DISP2: variants seen among roughly 807,000 people sequenced by gnomAD.
DISP2 encodes the protein dispatched RND transporter family member 2.
In DISP2, 59 loss-of-function variants were observed where a neutral mutation model predicts 95.5. The ratio of observed to expected loss-of-function variants is 0.62; its 90% CI spans 0.50 to 0.77. The LOEUF (loss-of-function observed/expected upper bound fraction) is 0.77. DISP2 is among the 30% of genes least tolerant of loss of function. The pLI is 0.00. For missense variants in DISP2, 1,752 were observed against 1,854.6 expected (o/e 0.94, Z 1.02); for synonymous variants, 827 against 815.0 (o/e 1.01, Z -0.25).
chr15:40,360,079 G>T (rs1889383850), intron 1 of DISP2, among the ~76,000 whole-genome samples: 1 of 152,192 alleles, frequency 6.6e-6, no homozygotes. Flanking sequence ...TGGTCTCTGT[G>T]TCTAGGAGCC....
chr15:40,365,805 G>C (rs564406780), intron 7 of DISP2, 80 bp downstream of exon 7: 1 of 1,368,022 alleles, frequency 7.3e-7, no homozygotes, highest in South Asian at 1.2e-5. Flanking sequence ...ATACAGCTGA[G>C]CCAGGACTGC....
At chr15:40,360,421 C>T (rs1205784965) in intron 1 of DISP2, among the ~76,000 whole-genome samples, 2 of 152,126 alleles carry the variant, frequency 1.3e-5, no homozygotes, top group Non-Finnish European at 2.9e-5. Flanking sequence ...GGCTCTACAG[C>T]AGTCAGAATA....
rs781092384 is a variant in DISP2, at chr15:40,364,945, G to A, written c.711G>A (p.Glu237=). ...RKLLFLSPDL[E]LNSSSSHNTL... ...TGCTTTTCCTTTCCCCAGACCTTGA[G>A]CTGAACAGGTAACAGGCTCTCATCT... is the stretch of plus-strand genomic sequence containing the variant. Residue 237 remains glutamate, a synonymous_variant, in exon 5 of 8, where the codon GAG becomes GAA. Coordinates refer to ENST00000267889, the MANE Select transcript of DISP2 (RefSeq NM_033510.3). 6.2e-7 allele frequency: 1 copy of A among 1,613,968 alleles called. No homozygotes were observed. The highest frequency in any genetic ancestry group is 2.2e-5 in the East Asian group (1 of 44,890).
chr15:40,376,422 C>G lies in DISP2; in HGVS notation c.*6104C>G, dbSNP rs1889732129. On this transcript the variant is annotated 3_prime_UTR_variant, in exon 8 of 8. Coordinates refer to ENST00000267889, the MANE Select transcript of DISP2 (RefSeq NM_033510.3). Reference sequence around the variant, plus strand: ...ATCATCTGAGGTCAGGAGTTCAACACCAGCCTGGCCAACATGGCAAAACCC... The same window carrying G: ...ATCATCTGAGGTCAGGAGTTCAACAGCAGCCTGGCCAACATGGCAAAACCC... The G allele has an allele frequency of 6.6e-6, 1 of 152,188 alleles. No individual in the cohort carries two copies. The highest frequency in any genetic ancestry group is 2.1e-4 in the South Asian group (1 of 4,830). The allele number at this position is 152,188 out of a possible 1,614,324, so 9.4% of individuals were successfully genotyped here. A position where few individuals can be genotyped will look rare whatever the true frequency, so the allele number is the denominator to read the frequency against.
Position 40,368,248 on chromosome 15 carries a change from A to G in DISP2, c.2136A>G (p.Ala712=), listed in dbSNP as rs1011980625. Residue 712 remains alanine, a synonymous_variant, in exon 8 of 8, where the codon GCA becomes GCG. Coordinates refer to ENST00000267889, the MANE Select transcript of DISP2 (RefSeq NM_033510.3). ...ACATCTGGATCTGCTGGTTCGCAGC[A>G]CTGGCGGCAGGGGGCGCCTACATCG... is the stretch of plus-strand genomic sequence containing the variant. ...FRYIWICWFA[A]LAAGGAYIAG... The G allele has an allele frequency of 1.9e-6, 3 of 1,610,440 alleles. No individual in the cohort carries two copies. The highest frequency in any genetic ancestry group is 2.7e-5 in the African/African-American group (2 of 74,984).
intron 7 of DISP2, among the ~76,000 whole-genome samples, chr15:40,366,120 A>T (rs185945842): frequency 6.6e-6 from 1 of 152,344 alleles, no homozygotes; most frequent in Admixed American, 6.5e-5. Flanking sequence ...ATAACATCTG[A>T]AGAAAGGTTT....
rs992515017 is a variant in DISP2, at chr15:40,370,612, G to C, written c.*294G>C. The C allele has an allele frequency of 1.6e-6, 1 of 616,102 alleles. No individual in the cohort carries two copies. The highest frequency in any genetic ancestry group is 2.1e-5 in the Admixed American group (1 of 47,036). 38.2% of individuals were successfully genotyped at this position (616,102 alleles called of 1,614,324 possible). On this transcript the variant is annotated 3_prime_UTR_variant, in exon 8 of 8. Transcript: ENST00000267889. ...GACCCCTCCTCTAGAAGTGGGGAAG[G>C]CCAGATGTGTAGCTTCGGGTATCAG...
Position 40,368,034 on chromosome 15 carries a change from C to T in DISP2, c.1922C>T (p.Ala641Val), listed in dbSNP as rs1889539217. The T allele has an allele frequency of 2.0e-6, 3 of 1,530,952 alleles. No individual in the cohort carries two copies. Among genetic ancestry groups the T allele is most frequent in the African/African-American group, 1.4e-5 (1 of 72,824 alleles). The allele number at this position is 1,530,952 out of a possible 1,614,324, so 94.8% of individuals were successfully genotyped here. Residue 641 changes from alanine to valine, a missense_variant, in exon 8 of 8, where the codon GCC (alanine) becomes GTC (valine). Physicochemically the swap from Ala to Val is moderately conservative, Grantham distance 64. Coordinates refer to ENST00000267889, the MANE Select transcript of DISP2 (RefSeq NM_033510.3). ...ACGCTGGTCTGGCTGCCCGCCTCCG[C>T]CGTGCTCCACGAGCGCTACCTGGCG... Reference protein sequence around the residue: ...ALTLVWLPASAVLHERYLARG... With the variant: ...ALTLVWLPASVVLHERYLARG...
intron 1 of DISP2, among the ~76,000 whole-genome samples, chr15:40,362,582 A>G (rs1341227805): frequency 6.6e-6 from 1 of 152,252 alleles, no homozygotes; most frequent in Non-Finnish European, 1.5e-5. Flanking sequence ...GATAGGCAAT[A>G]AACATAACGA....
intron 7 of DISP2, among the ~76,000 whole-genome samples, chr15:40,366,346 C>T (rs751889700): frequency 2.0e-5 from 3 of 152,222 alleles, no homozygotes; most frequent in African/African-American, 4.8e-5. Context: ...GGATGATAAA[C>T]GTACTTTCCT....
Position 40,370,102 on chromosome 15 carries a change from A to C in DISP2, c.3990A>C (p.Arg1330=), listed in dbSNP as rs777712479. 1.2e-6 allele frequency: 2 copies of C among 1,610,634 alleles called. No individual in the cohort carries two copies. Among genetic ancestry groups the C allele is most frequent in the Non-Finnish European group, 8.5e-7 (1 of 1,178,186 alleles). ...LDDTGQPVLE[R]GQLNGKRDTL... is the part of the protein sequence containing the mutation. The stretch of plus-strand genomic sequence containing the variant: ...ACACTGGGCAGCCAGTCCTTGAGCG[A>C]GGCCAGCTCAATGGGAAGCGGGACA... Residue 1330 remains arginine (R), a synonymous_variant, in exon 8 of 8, where the codon CGA becomes CGC. Transcript: ENST00000267889.
Position 40,370,101 on chromosome 15 carries a change from G to A in DISP2, c.3989G>A (p.Arg1330Gln), listed in dbSNP as rs756030312. 4.0e-5 allele frequency: 65 copies of A among 1,610,862 alleles called. No homozygotes were observed. In the South Asian group the frequency reaches 4.4e-4, roughly 11 times the overall value. Residue 1330 changes from arginine (R) to glutamine (Q), a missense_variant, in exon 8 of 8, where the codon CGA (arginine) becomes CAA (glutamine). Physicochemically the swap from Arg to Gln is conservative, Grantham distance 43. This residue lies in a region of DISP2 where 347 missense variants were observed against 344.2 expected (regional missense o/e 1.01). Transcript: ENST00000267889. ...GACACTGGGCAGCCAGTCCTTGAGC[G>A]AGGCCAGCTCAATGGGAAGCGGGAC... The part of the protein sequence containing the change: ...LDDTGQPVLE[R>Q]GQLNGKRDTL...
Position 40,368,862 on chromosome 15 carries a change from A to G in DISP2, c.2750A>G (p.Tyr917Cys), listed in dbSNP as rs1274528542. The G allele has an allele frequency of 1.2e-6, 2 of 1,613,984 alleles. No individual in the cohort carries two copies. The highest frequency in any genetic ancestry group is 1.7e-6 in the Non-Finnish European group (2 of 1,180,036). ...FQTNFRNSPDYNQTQLFYNEV... is the reference protein window; with the variant it reads ...FQTNFRNSPDCNQTQLFYNEV... ...ACCAACTTCCGGAACAGTCCGGACTACAACCAGACCCAGCTCTTCTACAAT... is the reference window on the plus strand; with the variant it reads ...ACCAACTTCCGGAACAGTCCGGACTGCAACCAGACCCAGCTCTTCTACAAT... The change falls in exon 8 of 8, where the codon TAC (tyrosine) becomes TGC (cysteine). Residue 917 changes from tyrosine to cysteine, a missense_variant. By Grantham distance (194) the Tyr-to-Cys change is radical. Coordinates refer to ENST00000267889, the MANE Select transcript of DISP2 (RefSeq NM_033510.3).
chr15:40,365,344 C>G (rs2141261011), intron 6 of DISP2, 70 bp downstream of exon 6: 2 of 1,574,180 alleles, frequency 1.3e-6, no homozygotes, highest in East Asian at 4.5e-5. Context: ...ACAGGCAGGC[C>G]CAGAACAAAT....
In DISP2 at chr15:40,369,037, C is replaced by G. The variant is rs1566917215; in HGVS notation, c.2925C>G (p.Ala975=). The change falls in exon 8 of 8, where the codon GCC becomes GCG. Residue 975 remains alanine, a synonymous_variant. Coordinates refer to ENST00000267889, the MANE Select transcript of DISP2 (RefSeq NM_033510.3). ...TGCTGGGCCTGGCTTTGGCGCTGGC[C>G]TTTGCCACACTGCTCCTGGGCACCT... ...AVVLGLALAL[A]FATLLLGTWN... 6.2e-7 allele frequency: 1 copy of G among 1,613,870 alleles called. No individual in the cohort carries two copies. Among genetic ancestry groups the G allele is most frequent in the Non-Finnish European group, 8.5e-7 (1 of 1,180,050 alleles).
intron 6 of DISP2, 106 bp from the exon 7 acceptor site, chr15:40,365,522 C>A: frequency 1.4e-6 from 2 of 1,384,928 alleles, no homozygotes; most frequent in Non-Finnish European, 2.0e-6. Flanking sequence ...GCTTGAGATG[C>A]CTGAGAATCT....
chr15:40,364,591 G>A (rs753073326), intron 4 of DISP2, 47 bp downstream of exon 4: 2 of 1,596,676 alleles, frequency 1.3e-6, no homozygotes, highest in Non-Finnish European at 1.7e-6. Context: ...TGGCCACCTT[G>A]ACCCAGCCTG....
At chr15:40,364,158 T>C in intron 2 of DISP2, 68 bp from the exon 3 acceptor site, 1 of 1,434,822 alleles carries the variant, frequency 7.0e-7, no homozygotes, top group South Asian at 1.1e-5. Context: ...CCACCCCACC[T>C]CCACCCCCAA....
chr15:40,368,701 C>G lies in DISP2; in HGVS notation c.2589C>G (p.Asp863Glu). 1 of 1,613,168 alleles carries G rather than the reference C, an allele frequency of 6.2e-7. No individual in the cohort carries two copies. Among genetic ancestry groups the G allele is most frequent in the Non-Finnish European group, 8.5e-7 (1 of 1,180,032 alleles). ...LGPDLCCGHS[D>E]FPWAPQFFLH... ...CTGACCTCTGCTGCGGCCACTCGGACTTCCCCTGGGCCCCCCAGTTTTTCC... is the reference window on the plus strand; with the variant it reads ...CTGACCTCTGCTGCGGCCACTCGGAGTTCCCCTGGGCCCCCCAGTTTTTCC... The change falls in exon 8 of 8, where the codon GAC (aspartate) becomes GAG (glutamate). Residue 863 changes from aspartate to glutamate, a missense_variant. Transcript: ENST00000267889.
Sources: gnomAD v4.1 joint callset for allele counts (sites outside exome capture counted in the v4.1 genomes callset) on GRCh38, gnomAD v4.1.1 for gene constraint, gnomAD v4.1.1 regional missense constraint, MANE v1.5 for transcripts, NCBI Gene and HGNC (gene_info 2026-07-23, HGNC 2026-07-21) for gene names.